NR2C2: variants seen among roughly 807,000 people sequenced by gnomAD.
NR2C2 encodes the protein Nuclear hormone receptor TR4.
A neutral mutation model predicts 62.9 loss-of-function variants in NR2C2; 6 were observed. The observed-to-expected ratio is 0.10, with a 90% CI of 0.05 to 0.19. NR2C2 has a LOEUF of 0.19. NR2C2 is among the 10% of genes least tolerant of loss of function. NR2C2 has a pLI of 1.00. For missense variants in NR2C2, 479 were observed against 762.7 expected, an observed-to-expected ratio of 0.63 and a Z score of 4.38; for synonymous variants, 272 against 273.8, an observed-to-expected ratio of 0.99 and a Z score of 0.07.
At chr3:15,026,991 T>C (rs1048770772) in intron 7 of NR2C2, 1 of 152,448 alleles carries the variant, frequency 6.6e-6, no homozygotes, top group Non-Finnish European at 1.5e-5. Flanking sequence ...CTCAGCCTCC[T>C]GAGTAGCTGG....
intron 1 of NR2C2, among the ~76,000 whole-genome samples, chr3:14,957,937 T>C (rs576438863): frequency 1.3e-5 from 2 of 152,342 alleles, no homozygotes; most frequent in African/African-American, 4.8e-5. Flanking sequence ...TTGCCATTCC[T>C]CAAATATGCC....
At chr3:14,995,507 C>G (rs1477596874) in intron 1 of NR2C2, among the ~76,000 whole-genome samples, 2 of 152,032 alleles carry the variant, frequency 1.3e-5, no homozygotes, top group East Asian at 3.9e-4. Context: ...TAGCATGTAC[C>G]AGTACTTCGT....
intron 1 of NR2C2, among the ~76,000 whole-genome samples, chr3:14,986,368 T>C (rs2040514488): frequency 6.6e-6 from 1 of 152,148 alleles, no homozygotes; most frequent in African/African-American, 2.4e-5. Context: ...TACAATTGTT[T>C]TGTAGATGAA....
intron 5 of NR2C2, among the ~76,000 whole-genome samples, chr3:15,022,202 C>A (rs965932389): frequency 2.0e-5 from 3 of 152,178 alleles, no homozygotes; most frequent in Non-Finnish European, 4.4e-5. Flanking sequence ...TTCTAACATG[C>A]ATATCTGCTC....
chr3:14,971,513 A>G (rs1482174020), intron 1 of NR2C2, among the ~76,000 whole-genome samples: 4 of 151,702 alleles, frequency 2.6e-5, no homozygotes, highest in Non-Finnish European at 5.9e-5. Flanking sequence ...CAGAAGTGGA[A>G]TTGCTGGATC....
chr3:14,962,655 CTTTTTT>C (rs1228029134), intron 1 of NR2C2, among the ~76,000 whole-genome samples: 1 of 123,664 alleles, frequency 8.1e-6, no homozygotes, highest in African/African-American at 3.0e-5. Flanking sequence ...TTATTTGTAA[CTTTTTT>C]TTTTTTTTTT....
At chr3:14,999,160 T>C (rs1030122473) in intron 1 of NR2C2, among the ~76,000 whole-genome samples, 1 of 152,018 alleles carries the variant, frequency 6.6e-6, no homozygotes, top group African/African-American at 2.4e-5. Flanking sequence ...CTACTAAAAA[T>C]ACAAAATTAG....
chr3:15,032,955 C>G (rs2042016433), intron 10 of NR2C2, among the ~76,000 whole-genome samples: 1 of 151,400 alleles, frequency 6.6e-6, no homozygotes, highest in African/African-American at 2.4e-5. Context: ...GGTGTCATCT[C>G]TACAGGAAAC....
intron 1 of NR2C2, among the ~76,000 whole-genome samples, chr3:14,993,909 C>T (rs2040742085): frequency 6.6e-6 from 1 of 152,186 alleles, no homozygotes; most frequent in Non-Finnish European, 1.5e-5. Context: ...AACTGTACCT[C>T]AGGCAAGGTA....
At chr3:14,998,640 A>G (rs934250520) in intron 1 of NR2C2, among the ~76,000 whole-genome samples, 1 of 152,162 alleles carries the variant, frequency 6.6e-6, no homozygotes, top group Non-Finnish European at 1.5e-5. Flanking sequence ...GTAATGATAT[A>G]TGATTTGCAC....
intron 1 of NR2C2, among the ~76,000 whole-genome samples, chr3:14,993,527 A>T (rs991463976): frequency 4.6e-5 from 7 of 152,166 alleles, no homozygotes; most frequent in Admixed American, 2.6e-4. Flanking sequence ...TAATTATCAG[A>T]CTGTAAATTC....
chr3:14,992,916 C>T (rs910291277), intron 1 of NR2C2, among the ~76,000 whole-genome samples: 3 of 152,176 alleles, frequency 2.0e-5, no homozygotes, highest in Non-Finnish European at 4.4e-5. Flanking sequence ...ATAACACACA[C>T]CTGGGTGTTG....
At chr3:14,959,651 C>T (rs963450738) in intron 1 of NR2C2, 2 of 152,094 alleles carry the variant, frequency 1.3e-5, no homozygotes, top group African/African-American at 4.8e-5. Context: ...TGTAAGAATT[C>T]AAGTGTATAA....
At chr3:15,033,202 G>T (rs1184705113) in intron 10 of NR2C2, among the ~76,000 whole-genome samples, 1 of 152,226 alleles carries the variant, frequency 6.6e-6, no homozygotes, top group Non-Finnish European at 1.5e-5. Context: ...ACACTAGAAT[G>T]GAGGGCAGGG....
At chr3:14,948,502 TGAG>T (rs1261602387) in intron 1 of NR2C2, 1 of 148,030 alleles carries the variant, frequency 6.8e-6, no homozygotes, top group Non-Finnish European at 1.5e-5. Flanking sequence ...GCTGATTGGC[TGAG>T]GCGGAAGAGG....
intron 10 of NR2C2, among the ~76,000 whole-genome samples, chr3:15,033,285 C>T (rs1381728125): frequency 6.6e-6 from 1 of 152,184 alleles, no homozygotes. Context: ...TAGTGCTTGT[C>T]AGCTGTGTGG....
intron 1 of NR2C2, among the ~76,000 whole-genome samples, chr3:14,993,984 C>T (rs2124858945): frequency 6.6e-6 from 1 of 152,266 alleles, no homozygotes; most frequent in Middle Eastern, 3.4e-3. Flanking sequence ...TTGTCCTCCA[C>T]AGCAGCTTAG....
intron 1 of NR2C2, among the ~76,000 whole-genome samples, chr3:15,000,819 T>C (rs917400228): frequency 3.3e-5 from 5 of 149,810 alleles, no homozygotes; most frequent in Non-Finnish European, 4.5e-5. Flanking sequence ...TTTAGGTTTT[T>C]TTTTTTTTTT....
chr3:14,969,082 C>T (rs1450828611), intron 1 of NR2C2, among the ~76,000 whole-genome samples: 2 of 150,066 alleles, frequency 1.3e-5, no homozygotes, highest in Non-Finnish European at 3.0e-5. Context: ...CACATGTATA[C>T]ATATGTAACT....
Sources: allele counts gnomAD v4.1 joint callset (sites outside exome capture counted in the v4.1 genomes callset), GRCh38; gene constraint gnomAD v4.1.1; transcripts MANE v1.5; gene names NCBI Gene and HGNC (gene_info 2026-07-23, HGNC 2026-07-21).